The following ACOT9 variants were observed in gnomAD, a reference collection of about 807,000 sequenced individuals.
The protein encoded by ACOT9 is acyl-CoA thioesterase 9, also known as acyl-coenzyme A thioesterase 9, mitochondrial.
In ACOT9, 34 loss-of-function variants were observed where a neutral mutation model predicts 39.7. The ratio of observed to expected loss-of-function variants is 0.86; its 90% CI spans 0.65 to 1.14. ACOT9 has a LOEUF of 1.14. ACOT9 is among the 50% of genes most tolerant of loss of function. The pLI is 0.00. For missense variants in ACOT9, 313 were observed against 344.1 expected (o/e 0.91, Z 0.71); for synonymous variants, 110 against 120.5 (o/e 0.91, Z 0.57).
intron 9 of ACOT9, among the ~76,000 whole-genome samples, chrX:23,708,350 G>A (rs1699915071): frequency 9.0e-6 from 1 of 110,866 alleles, no homozygotes; most frequent in Admixed American, 9.7e-5. Context: ...GACCAACAAG[G>A]AGAAACCTCG....
At chrX:23,719,318 T>C (rs930272065) in intron 8 of ACOT9, among the ~76,000 whole-genome samples, 1 of 111,612 alleles carries the variant, frequency 9.0e-6, no homozygotes, top group Non-Finnish European at 1.9e-5. Flanking sequence ...AACATGGGAA[T>C]TGAAAGATTC....
In ACOT9 at chrX:23,703,833, G is replaced by T; in HGVS notation, c.*61C>A. The T allele has an allele frequency of 1.0e-6, 1 of 959,524 alleles. No homozygotes were observed. The highest frequency in any genetic ancestry group is 1.5e-6 in the Non-Finnish European group (1 of 669,806). The allele number at this position is 959,524 out of a possible 1,213,427, so 79.1% of individuals were successfully genotyped here. A position where few individuals can be genotyped will look rare whatever the true frequency, so the allele number is the denominator to read the frequency against. ...TACTAAAATCAATACACTCGATCAG[G>T]TCTTCATCAGATACCACGTCACTGT... On this transcript the variant is annotated 3_prime_UTR_variant, in exon 16 of 16. Coordinates refer to ENST00000379303, the MANE Select transcript of ACOT9 (RefSeq NM_001037171.2).
intron 11 of ACOT9, among the ~76,000 whole-genome samples, chrX:23,706,258 TC>T (rs1235624904): frequency 7.5e-5 from 7 of 93,776 alleles, no homozygotes; most frequent in Non-Finnish European, 1.2e-4. Flanking sequence ...AGGGTAAGAC[TC>T]CATCTCAAAA....
At chrX:23,727,797 G>A in intron 6 of ACOT9, among the ~76,000 whole-genome samples, 1 of 107,226 alleles carries the variant, frequency 9.3e-6, no homozygotes, top group East Asian at 3.0e-4. Flanking sequence ...TCAGGAGTTT[G>A]AGACCAGACT....
chrX:23,722,320 T>C (rs1321821164), intron 7 of ACOT9, among the ~76,000 whole-genome samples: 1 of 111,561 alleles, frequency 9.0e-6, no homozygotes, highest in African/African-American at 3.3e-5. Flanking sequence ...TCCCAGCACT[T>C]TGGGAGGCCG....
At chrX:23,730,612 C>T in intron 5 of ACOT9, 48 bp from the exon 6 acceptor site, 1 of 1,130,073 alleles carries the variant, frequency 8.8e-7, no homozygotes, top group Non-Finnish European at 1.2e-6. Flanking sequence ...ATGTTGGTCT[C>T]CCTTTAAAAA....
intron 7 of ACOT9, 90 bp downstream of exon 7, chrX:23,722,580 T>C (rs1217527000): frequency 1.2e-5 from 7 of 589,398 alleles, no homozygotes; most frequent in Non-Finnish European, 1.5e-5. Flanking sequence ...AAAAAAAAAT[T>C]CCCATAAAAG....
At chrX:23,738,992 T>C (rs1245651829) in intron 1 of ACOT9, among the ~76,000 whole-genome samples, 3 of 112,317 alleles carry the variant, frequency 2.7e-5, no homozygotes, top group African/African-American at 9.7e-5. Flanking sequence ...GCGCAGTGGC[T>C]CATGCCTGTA....
chrX:23,708,162 A>G (rs1168067443), intron 9 of ACOT9, among the ~76,000 whole-genome samples: 3 of 112,504 alleles, frequency 2.7e-5, no homozygotes. Flanking sequence ...GGATACTGGC[A>G]TCTGCTAAAT....
intron 7 of ACOT9, 77 bp from the exon 8 acceptor site, chrX:23,722,061 A>G: frequency 1.6e-6 from 1 of 637,701 alleles, no homozygotes; most frequent in Non-Finnish European, 2.3e-6. Flanking sequence ...ATTAGAAATT[A>G]TGGCAAATTC....
intron 6 of ACOT9, among the ~76,000 whole-genome samples, chrX:23,728,649 C>A (rs1929620502): frequency 9.0e-6 from 1 of 111,091 alleles, no homozygotes; most frequent in South Asian, 3.8e-4. Context: ...CATATATTTC[C>A]CAGCTCCTCC....
chrX:23,722,698 C>T lies in ACOT9; in HGVS notation c.456G>A (p.Ser152=), dbSNP rs756833483. The T allele has an allele frequency of 5.0e-6, 6 of 1,199,369 alleles. No individual in the cohort carries two copies. In the South Asian group the frequency reaches 9.0e-5, roughly 18 times the overall value. The part of the protein sequence containing the change: ...KIHSAKMSPL[S]IVTALVDKID... ...TCTTATCCACCAGGGCTGTAACTAT[C>T]GATAAAGGAGACATCTTGGCGGAGT... is the stretch of plus-strand genomic sequence containing the variant. The change falls in exon 7 of 16, where the codon TCG becomes TCA. Residue 152 remains serine (S), a synonymous_variant. Transcript: ENST00000379303.
intron 1 of ACOT9, among the ~76,000 whole-genome samples, chrX:23,737,170 G>A (rs182920010): frequency 4.5e-4 from 50 of 110,727 alleles, no homozygotes; most frequent in Middle Eastern, 4.6e-3. Flanking sequence ...AAAATTAGCC[G>A]GGTGTGGTGG....
chrX:23,738,964 G>T (rs755578232), intron 1 of ACOT9, among the ~76,000 whole-genome samples: 1 of 58,326 alleles, frequency 1.7e-5, no homozygotes, highest in African/African-American at 1.6e-4. Flanking sequence ...ACAGTATAGG[G>T]GTTAACCCAA....
chrX:23,735,204 G>A (rs1248090073), intron 2 of ACOT9, among the ~76,000 whole-genome samples: 1 of 77,374 alleles, frequency 1.3e-5, no homozygotes, highest in Admixed American at 2.0e-4. Context: ...TCCTGCCACT[G>A]CACTCCAGCC....
intron 4 of ACOT9, among the ~76,000 whole-genome samples, chrX:23,732,031 T>C: frequency 9.0e-6 from 1 of 111,557 alleles, no homozygotes; most frequent in South Asian, 3.7e-4. Flanking sequence ...ATGACACCAG[T>C]AAATCCAGAA....
chrX:23,718,163 T>C (rs919911177), intron 8 of ACOT9, among the ~76,000 whole-genome samples: 9 of 111,649 alleles, frequency 8.1e-5, no homozygotes, highest in African/African-American at 2.9e-4. Flanking sequence ...TGAATGGGTT[T>C]TTTTCAAATT....
intron 7 of ACOT9, among the ~76,000 whole-genome samples, chrX:23,722,385 G>A (rs1782297668): frequency 9.0e-6 from 1 of 110,920 alleles, no homozygotes; most frequent in Admixed American, 9.7e-5. Flanking sequence ...CCGACATGGT[G>A]TAATCCCATC....
chrX:23,734,470 C>A, intron 2 of ACOT9, 103 bp from the exon 3 acceptor site: 1 of 664,393 alleles, frequency 1.5e-6, no homozygotes, highest in Non-Finnish European at 2.3e-6. Context: ...ATGTGTTTTT[C>A]CTAGCACTTC....
Sources: gnomAD v4.1 joint callset for allele counts (sites outside exome capture counted in the v4.1 genomes callset) on GRCh38, gnomAD v4.1.1 for gene constraint, MANE v1.5 for transcripts, NCBI Gene and HGNC (gene_info 2026-07-23, HGNC 2026-07-21) for gene names.